The following PSMA7 variants were observed in gnomAD, a reference collection of about 807,000 sequenced individuals.
PSMA7 encodes the protein proteasome subunit alpha type-7.
In PSMA7, 5 loss-of-function variants were observed where a neutral mutation model predicts 31.3. The observed-to-expected ratio is 0.16, with a 90% confidence interval of 0.08 to 0.34. The LOEUF (loss-of-function observed/expected upper bound fraction) is 0.34, where lower values mean the gene tolerates loss of function less well. PSMA7 is among the 10% of genes least tolerant of loss of function. PSMA7 has a pLI of 1.00. For missense variants in PSMA7, 217 were observed against 327.5 expected, an observed-to-expected ratio of 0.66 and a Z score of 2.60; for synonymous variants, 155 against 121.9, an observed-to-expected ratio of 1.27 and a Z score of -1.79.
chr20:62,139,672 GAATA>G, intron 3 of PSMA7, 105 bp downstream of exon 3: 2 of 1,566,144 alleles, frequency 1.3e-6, no homozygotes, highest in East Asian at 2.2e-5. Flanking sequence ...TCACGCCCCA[GAATA>G]AATCAGTTTT....
At chr20:62,137,272 C>T (rs2056900908) in intron 6 of PSMA7, 92 bp downstream of exon 6, 1 of 1,268,492 alleles carries the variant, frequency 7.9e-7, no homozygotes, top group African/African-American at 1.5e-5. Context: ...CACAGAATGG[C>T]CCTATGATGT....
intron 5 of PSMA7, among the ~76,000 whole-genome samples, chr20:62,137,694 G>C (rs1378411051): frequency 6.6e-6 from 1 of 152,150 alleles, no homozygotes; most frequent in Admixed American, 6.5e-5. Context: ...TTGACACAGT[G>C]GTTACAACCA....
intron 3 of PSMA7, 63 bp downstream of exon 3, chr20:62,139,718 T>C (rs2056915573): frequency 6.2e-7 from 1 of 1,612,886 alleles, no homozygotes; most frequent in Non-Finnish European, 8.5e-7. Context: ...GGCAGGACCC[T>C]CCATGGCGGA....
chr20:62,139,634 G>A (rs771358345), intron 3 of PSMA7, 147 bp downstream of exon 3: 5 of 1,354,748 alleles, frequency 3.7e-6, no homozygotes, highest in African/African-American at 1.4e-5. Flanking sequence ...GCTAGGTCAA[G>A]TTACACTTGT....
At chr20:62,138,122 A>G in intron 5 of PSMA7, 49 bp downstream of exon 5, 1 of 1,613,058 alleles carries the variant, frequency 6.2e-7, no homozygotes, top group Non-Finnish European at 8.5e-7. Context: ...ACTCACCACC[A>G]AAACGTGGTA....
At chr20:62,136,975 C>T (rs11698838) in intron 6 of PSMA7, 26 bp from the exon 7 acceptor site, 12 of 1,593,408 alleles carry the variant, frequency 7.5e-6, no homozygotes. Context: ...TCATGGTTAC[C>T]TAAGCCACAC....
intron 6 of PSMA7, among the ~76,000 whole-genome samples, 159 bp downstream of exon 6, chr20:62,137,205 G>A (rs2056900404): frequency 6.6e-6 from 1 of 152,176 alleles, no homozygotes; most frequent in Non-Finnish European, 1.5e-5. Flanking sequence ...AGGAAGATGG[G>A]AATCTTCTCT....
intron 6 of PSMA7, among the ~76,000 whole-genome samples, 158 bp from the exon 7 acceptor site, chr20:62,137,107 C>G (rs2056899143): frequency 9.4e-6 from 1 of 106,360 alleles, no homozygotes; most frequent in South Asian, 3.7e-4. Flanking sequence ...CTGACCTAGA[C>G]AAGTATTAAG....
At chr20:62,139,966 G>T in intron 2 of PSMA7, 61 bp from the exon 3 acceptor site, 2 of 1,571,218 alleles carry the variant, frequency 1.3e-6, no homozygotes, top group Non-Finnish European at 1.7e-6. Context: ...GGTGGGGACA[G>T]ACACGATGAC....
chr20:62,139,715 C>A (rs752698188), intron 3 of PSMA7, 66 bp downstream of exon 3: 4 of 1,612,528 alleles, frequency 2.5e-6, no homozygotes, highest in Non-Finnish European at 2.5e-6. Context: ...CATGGCAGGA[C>A]CCTCCATGGC....
In PSMA7 at chr20:62,136,763, T is replaced by G. The variant is rs183698266; in HGVS notation, c.*94A>C. ...AATACGGAAGTTTATTGTAGGACAC[T>G]CAGTGTGAATAAATGGAATGGAAAG... On this transcript the variant is annotated 3_prime_UTR_variant, in exon 7 of 7. Transcript: ENST00000370873. 626 of 1,475,100 alleles carry G rather than the reference T, an allele frequency of 4.2e-4. 1 individual carries two copies. Among genetic ancestry groups the G allele is most frequent in the East Asian group, 1.5e-3 (62 of 41,650 alleles). 91.4% of individuals were successfully genotyped at this position (1,475,100 alleles called of 1,614,324 possible).
intron 4 of PSMA7, among the ~76,000 whole-genome samples, chr20:62,138,776 T>G (rs954899912): frequency 2.0e-5 from 3 of 152,198 alleles, no homozygotes; most frequent in Non-Finnish European, 4.4e-5. Flanking sequence ...CAGGCTGGTC[T>G]CGAACACCTG....
chr20:62,138,082 G>T, intron 5 of PSMA7, 89 bp downstream of exon 5: 2 of 1,565,064 alleles, frequency 1.3e-6, no homozygotes. Flanking sequence ...CTGGATCCTT[G>T]CCACCTTCCT....
chr20:62,137,830 C>A (rs1392397110), intron 5 of PSMA7, among the ~76,000 whole-genome samples: 2 of 152,226 alleles, frequency 1.3e-5, no homozygotes, highest in Non-Finnish European at 2.9e-5. Flanking sequence ...CTGACTTTAG[C>A]AACAGTTCAA....
Position 62,137,438 on chromosome 20 carries a change from A to G in PSMA7, c.592-12T>C, listed in dbSNP as rs370079496. ...CCTGACTGAACCACCTTGAAGGGAC[A>G]GAAGACAGGAGCATTAACCACCTTT... On this transcript the variant is annotated splice_polypyrimidine_tract_variant and intron_variant, in intron 5 of 6. Transcript: ENST00000370873. The G allele has an allele frequency of 9.3e-6, 15 of 1,613,690 alleles. No individual in the cohort carries two copies. Among genetic ancestry groups the G allele is most frequent in the South Asian group, 2.2e-5 (2 of 91,074 alleles).
In PSMA7 at chr20:62,143,388, C is replaced by G. The variant is rs1038676891; in HGVS notation, c.-85G>C. ...CCGCGCGCACCCGCGACTCCCGGCG[C>G]CACTACGCCCGCGCCCCACCCTCGG... On this transcript the variant is annotated 5_prime_UTR_variant, in exon 1 of 7. Coordinates refer to ENST00000370873, the MANE Select transcript of PSMA7 (RefSeq NM_002792.4). 13 of 757,296 alleles carry G rather than the reference C, an allele frequency of 1.7e-5. No homozygotes were observed. Among genetic ancestry groups the G allele is most frequent in the Non-Finnish European group, 2.3e-5 (13 of 576,872 alleles). 46.9% of individuals were successfully genotyped at this position (757,296 alleles called of 1,614,324 possible). A position where few individuals can be genotyped will look rare whatever the true frequency, so the allele number is the denominator to read the frequency against.
intron 3 of PSMA7, chr20:62,139,484 G>A: frequency 1.6e-6 from 1 of 641,108 alleles, no homozygotes; most frequent in South Asian, 2.0e-5. Flanking sequence ...CTCATAGGGT[G>A]GCTTCCAGCC....
chr20:62,137,076 G>GA, intron 6 of PSMA7, 127 bp from the exon 7 acceptor site: 1 of 1,312,238 alleles, frequency 7.6e-7, no homozygotes, highest in African/African-American at 1.5e-5. Flanking sequence ...GGAACCTCAA[G>GA]AAAAACAAGA....
Position 62,143,370 on chromosome 20 carries a change from C to A in PSMA7, c.-67G>T, listed in dbSNP as rs990834343. ...AAAGCGCACACTCACGGCCCGCGCG[C>A]ACCCGCGACTCCCGGCGCCACTACG... is the stretch of plus-strand genomic sequence containing the variant. On this transcript the variant is annotated 5_prime_UTR_variant, in exon 1 of 7. Coordinates refer to ENST00000370873, the MANE Select transcript of PSMA7 (RefSeq NM_002792.4). The A allele has an allele frequency of 3.6e-5, 33 of 926,760 alleles. No individual in the cohort carries two copies. The highest frequency in any genetic ancestry group is 4.0e-5 in the Non-Finnish European group (29 of 722,116). The allele number at this position is 926,760 out of a possible 1,614,324, so 57.4% of individuals were successfully genotyped here.
Sources: allele counts gnomAD v4.1 joint callset (sites outside exome capture counted in the v4.1 genomes callset), GRCh38; gene constraint gnomAD v4.1.1; transcripts MANE v1.5; gene names NCBI Gene and HGNC (gene_info 2026-07-23, HGNC 2026-07-21).